DCT: variants seen among roughly 807,000 people sequenced by gnomAD.
DCT encodes the protein dopachrome tautomerase, also known as L-dopachrome tautomerase.
DCT carries 47 observed loss-of-function variants against 53.0 expected under a neutral mutation model. The observed-to-expected ratio is 0.89, with a 90% confidence interval of 0.70 to 1.13. The LOEUF is 1.13. Among genes scored for constraint, DCT ranks in the 50% most tolerant of loss-of-function variants. The probability of loss-of-function intolerance (pLI) is 0.00; values close to 1 mark genes in which losing one functional copy is unlikely to be tolerated. For missense variants in DCT, 669 were observed against 637.4 expected (o/e 1.05, Z -0.53); for synonymous variants, 244 against 237.0 (o/e 1.03, Z -0.27).
At chr13:94,477,386 T>A (rs1250622300) in intron 1 of DCT, among the ~76,000 whole-genome samples, 1 of 152,022 alleles carries the variant, frequency 6.6e-6, no homozygotes, top group Non-Finnish European at 1.5e-5. Context: ...CGTGAGCCAC[T>A]GCACCAGGCC....
At chr13:94,525,078 G>A in the DCT span, among the ~76,000 whole-genome samples, 504 of 151,608 alleles carry the variant, frequency 3.3e-3, 18 homozygotes, top group East Asian at 0.084. Flanking sequence ...CTTAGACTTC[G>A]AGGCTCCAGC....
At chr13:94,512,685 T>C in the DCT span, among the ~76,000 whole-genome samples, 1 of 152,012 alleles carries the variant, frequency 6.6e-6, no homozygotes, top group Non-Finnish European at 1.5e-5. Context: ...GTAATATTTA[T>C]AATACAACAT....
chr13:94,494,797 A>G, the DCT span, among the ~76,000 whole-genome samples: 2 of 151,230 alleles, frequency 1.3e-5, no homozygotes, highest in African/African-American at 2.4e-5. Flanking sequence ...CTGTGCATAT[A>G]CATAATTGAA....
chr13:94,523,430 T>C, the DCT span, among the ~76,000 whole-genome samples: 27 of 152,324 alleles, frequency 1.8e-4, no homozygotes, highest in East Asian at 4.8e-3. Flanking sequence ...ATCTAAGCCC[T>C]GAGTCTGAGG....
chr13:94,517,130 A>G, the DCT span, among the ~76,000 whole-genome samples: 9 of 152,342 alleles, frequency 5.9e-5, no homozygotes, highest in South Asian at 1.5e-3. Context: ...GGGATTGAGG[A>G]GAATTATATA....
At chr13:94,492,009 T>A in the DCT span, among the ~76,000 whole-genome samples, 1 of 152,170 alleles carries the variant, frequency 6.6e-6, no homozygotes, top group Non-Finnish European at 1.5e-5. Flanking sequence ...AGCATCCTGA[T>A]TCATAGTGCA....
the DCT span, among the ~76,000 whole-genome samples, chr13:94,537,115 AC>A: frequency 2.0e-5 from 3 of 152,254 alleles, no homozygotes; most frequent in African/African-American, 7.2e-5. Flanking sequence ...ACACCTGGTA[AC>A]CCTGTAAGAA....
chr13:94,501,757 CA>C, the DCT span, among the ~76,000 whole-genome samples: 1 of 151,890 alleles, frequency 6.6e-6, no homozygotes, highest in Non-Finnish European at 1.5e-5. Flanking sequence ...GCAGAGGGCA[CA>C]GCATTACAAA....
At chr13:94,542,895 A>T in the DCT span, among the ~76,000 whole-genome samples, 2 of 152,224 alleles carry the variant, frequency 1.3e-5, no homozygotes, top group South Asian at 2.1e-4. Flanking sequence ...GTTGCCAAGG[A>T]CACAGTTTCT....
the DCT span, among the ~76,000 whole-genome samples, chr13:94,501,263 C>A: frequency 6.6e-6 from 1 of 151,442 alleles, no homozygotes; most frequent in Non-Finnish European, 1.5e-5. Flanking sequence ...AGCAAGACTC[C>A]GTCTCAAATA....
chr13:94,443,745 CTT>C, intron 6 of DCT, 108 bp from the exon 7 acceptor site: 1 of 865,000 alleles, frequency 1.2e-6, no homozygotes, highest in South Asian at 1.6e-5. Context: ...GACATAGGAA[CTT>C]CTGTATACCC....
the DCT span, among the ~76,000 whole-genome samples, chr13:94,541,800 G>A: frequency 1.3e-5 from 2 of 152,060 alleles, no homozygotes; most frequent in African/African-American, 4.8e-5. Flanking sequence ...CCATAAATAC[G>A]TATGACTATT....
At chr13:94,485,510 C>T in the DCT span, among the ~76,000 whole-genome samples, 45,637 of 152,070 alleles carry the variant, frequency 0.3, 7,227 homozygotes, top group Middle Eastern at 0.41. Context: ...AAGGCTTAAA[C>T]GAAGCTGCAA....
chr13:94,450,011 A>G (rs980886772), intron 6 of DCT, among the ~76,000 whole-genome samples: 7 of 152,296 alleles, frequency 4.6e-5, no homozygotes, highest in African/African-American at 1.7e-4. Flanking sequence ...TCCCAGTGTG[A>G]TGGTAATAGG....
the DCT span, among the ~76,000 whole-genome samples, chr13:94,540,842 GC>G: frequency 6.6e-6 from 1 of 152,152 alleles, no homozygotes; most frequent in Non-Finnish European, 1.5e-5. Flanking sequence ...ATAAATGTCT[GC>G]ACTCCCATGC....
chr13:94,513,760 G>A, the DCT span, among the ~76,000 whole-genome samples: 1 of 152,064 alleles, frequency 6.6e-6, no homozygotes, highest in African/African-American at 2.4e-5. Flanking sequence ...GCCAAGGTGG[G>A]TGGATCACTT....
Position 94,466,669 on chromosome 13 carries a change from T to C in DCT, c.596-11A>G. ...AGGGGCGTCCTGGTCCTGAAACAAT[T>C]GGGAAACATATTAGAGATGACAGAA... On this transcript the variant is annotated splice_polypyrimidine_tract_variant and intron_variant, in intron 2 of 7. Coordinates refer to ENST00000377028, the MANE Select transcript of DCT (RefSeq NM_001922.5). The C allele has an allele frequency of 6.4e-7, 1 of 1,558,176 alleles. No homozygotes were observed. The highest frequency in any genetic ancestry group is 1.4e-5 in the African/African-American group (1 of 73,060).
the DCT span, among the ~76,000 whole-genome samples, chr13:94,532,686 A>T: frequency 6.6e-6 from 1 of 152,156 alleles, no homozygotes; most frequent in Non-Finnish European, 1.5e-5. Context: ...ACCTAATGTA[A>T]ATGACAAGTT....
intron 1 of DCT, among the ~76,000 whole-genome samples, chr13:94,478,218 A>G (rs1321870182): frequency 1.6e-5 from 2 of 125,744 alleles, no homozygotes; most frequent in African/African-American, 6.1e-5. Context: ...CAATTTTGTC[A>G]AAGTTACAAC....
Sources: allele counts gnomAD v4.1 joint callset (sites outside exome capture counted in the v4.1 genomes callset), GRCh38; gene constraint gnomAD v4.1.1; transcripts MANE v1.5; gene names NCBI Gene and HGNC (gene_info 2026-07-23, HGNC 2026-07-21).